The following ANKRD12 variants were observed in gnomAD, a reference collection of about 807,000 sequenced individuals.
The protein encoded by ANKRD12 is ankyrin repeat domain 12.
A neutral mutation model predicts 183.4 loss-of-function variants in ANKRD12; 85 were observed. That is an observed-to-expected ratio of 0.46 (90% CI 0.39 to 0.56). The LOEUF (loss-of-function observed/expected upper bound fraction) is 0.56. Ranked by LOEUF, ANKRD12 falls within the 20% of genes least tolerant of loss-of-function variation. The pLI is 0.00. For missense variants in ANKRD12, 2,405 were observed against 2,357.1 expected (o/e 1.02, Z -0.42); for synonymous variants, 914 against 800.2 (o/e 1.14, Z -2.40).
intron 8 of ANKRD12, among the ~76,000 whole-genome samples, chr18:9,225,476 A>C (rs1005030130): frequency 4.0e-5 from 6 of 151,578 alleles, no homozygotes; most frequent in Non-Finnish European, 7.4e-5. Context: ...TATCTTTAAA[A>C]AAAAAAAAAA....
At chr18:9,275,789 A>G in intron 11 of ANKRD12, 122 bp downstream of exon 11, 7 of 1,018,846 alleles carry the variant, frequency 6.9e-6, no homozygotes, top group Non-Finnish European at 9.5e-6. Context: ...AAAGAAGAAA[A>G]AAAACTCTTT....
chr18:9,213,602 G>A lies in ANKRD12; in HGVS notation c.652+1818G>A, dbSNP rs2035927532. Among the ~76,000 whole-genome samples the A allele has an allele frequency of 2.0e-5, 3 of 151,942 alleles. No individual in the cohort carries two copies. In the South Asian group the frequency reaches 6.2e-4, roughly 31 times the overall value. On this transcript the variant is annotated intron_variant, in intron 6 of 12. Transcript: ENST00000262126. Reference sequence around the variant, plus strand: ...AATTATTTTCACTTTAGTAAGTAGAGGAAGCAGGTTGTTATTCATCTAAGT... The same window carrying A: ...AATTATTTTCACTTTAGTAAGTAGAAGAAGCAGGTTGTTATTCATCTAAGT...
At chr18:9,175,074 C>T (rs977597094) in intron 1 of ANKRD12, among the ~76,000 whole-genome samples, 33 of 152,126 alleles carry the variant, frequency 2.2e-4, no homozygotes, top group African/African-American at 7.7e-4. Context: ...CCTGCCTAAG[C>T]CTCCAGAGTA....
intron 8 of ANKRD12, among the ~76,000 whole-genome samples, chr18:9,223,613 C>T (rs1318162380): frequency 1.3e-5 from 2 of 151,930 alleles, no homozygotes; most frequent in African/African-American, 4.8e-5. Context: ...AAGTGTATTG[C>T]CTTCTTAATT....
chr18:9,182,248 A>G, intron 1 of ANKRD12, 134 bp from the exon 2 acceptor site: 1 of 295,962 alleles, frequency 3.4e-6, no homozygotes, highest in Non-Finnish European at 6.2e-6. Context: ...GTGAAAACTT[A>G]CTTTAGCTTA....
intron 1 of ANKRD12, among the ~76,000 whole-genome samples, chr18:9,174,461 C>A: frequency 6.6e-6 from 1 of 152,210 alleles, no homozygotes; most frequent in East Asian, 1.9e-4. Flanking sequence ...CCGCACAGCT[C>A]TGTATGTTGG....
At chr18:9,208,507 C>A (rs1172191801) in intron 4 of ANKRD12, 150 bp from the exon 5 acceptor site, 4 of 480,506 alleles carry the variant, frequency 8.3e-6, no homozygotes, top group Non-Finnish European at 1.4e-5. Flanking sequence ...TAATATAAAA[C>A]CCATTGTGCT....
rs547447533 is a variant in ANKRD12, at chr18:9,160,538, A to G, written c.-51-21844A>G. Among the ~76,000 whole-genome samples, 63 of 152,384 alleles carry G rather than the reference A, an allele frequency of 4.1e-4. 1 individual carries two copies. The South Asian group carries it at 0.011, about 27-fold the overall frequency. ...AAGGAAACCCTTGTAACCATTAAGC[A>G]GTCACTCCATATTTTCCCAGTCCCC... On this transcript the variant is annotated intron_variant, in intron 1 of 12. Transcript: ENST00000262126.
At chr18:9,199,445 T>C (rs2035041465) in intron 3 of ANKRD12, among the ~76,000 whole-genome samples, 1 of 152,200 alleles carries the variant, frequency 6.6e-6, no homozygotes, top group South Asian at 2.1e-4. Flanking sequence ...AAGACTTTTT[T>C]CACTGTAGGA....
chr18:9,268,530 A>G (rs1372029562), intron 10 of ANKRD12, among the ~76,000 whole-genome samples: 16 of 152,246 alleles, frequency 1.1e-4, no homozygotes, highest in Admixed American at 5.2e-4. Context: ...CCACATGATT[A>G]TCTCAATAGA....
chr18:9,165,780 A>G (rs1158958046), intron 1 of ANKRD12, among the ~76,000 whole-genome samples: 1 of 150,956 alleles, frequency 6.6e-6, no homozygotes, highest in Non-Finnish European at 1.5e-5. Context: ...CAGGTTTTTT[A>G]CGTATGTATA....
chr18:9,254,176 T>G (rs767885425), intron 8 of ANKRD12, 35 bp from the exon 9 acceptor site: 1 of 1,457,824 alleles, frequency 6.9e-7, no homozygotes, highest in Non-Finnish European at 9.0e-7. Flanking sequence ...TGTGTTTTGT[T>G]TGACCCACAC....
At chr18:9,178,230 G>T (rs1167052882) in intron 1 of ANKRD12, among the ~76,000 whole-genome samples, 4 of 151,988 alleles carry the variant, frequency 2.6e-5, no homozygotes, top group Non-Finnish European at 4.4e-5. Flanking sequence ...CTTGTTTTCT[G>T]CTAGAAGTGG....
chr18:9,231,824 CAAAAAAA>C (rs60799678), intron 8 of ANKRD12, among the ~76,000 whole-genome samples: 2 of 102,438 alleles, frequency 2.0e-5, no homozygotes, highest in Non-Finnish European at 3.8e-5. Context: ...GACTCTGTCT[CAAAAAAA>C]AAAAAAAAAA....
At chr18:9,206,031 G>GCATTATAAAA (rs1340203566) in intron 4 of ANKRD12, among the ~76,000 whole-genome samples, 1 of 152,044 alleles carries the variant, frequency 6.6e-6, no homozygotes, top group Non-Finnish European at 1.5e-5. Flanking sequence ...TTAATTTTCA[G>GCATTATAAAA]CATTATAAAA....
chr18:9,214,180 A>G (rs758952890), intron 6 of ANKRD12, among the ~76,000 whole-genome samples: 1 of 152,136 alleles, frequency 6.6e-6, no homozygotes, highest in East Asian at 1.9e-4. Context: ...TAAATACATT[A>G]TAAGTGCATA....
chr18:9,258,442 T>A lies in ANKRD12; in HGVS notation c.5175T>A (p.Asp1725Glu). 6.2e-7 allele frequency: 1 copy of A among 1,613,702 alleles called. No individual in the cohort carries two copies. The highest frequency in any genetic ancestry group is 8.5e-7 in the Non-Finnish European group (1 of 1,179,932). Residue 1725 changes from aspartate (D) to glutamate (E), a missense_variant, in exon 9 of 13, where the codon GAT (aspartate) becomes GAA (glutamate). Transcript: ENST00000262126. ...KVELEENAED[D>E]KTENQIPQRM... ...AATTAGAAGAAAATGCCGAAGATGATAAAACTGAAAACCAAATCCCTCAAA... is the reference window on the plus strand; with the variant it reads ...AATTAGAAGAAAATGCCGAAGATGAAAAAACTGAAAACCAAATCCCTCAAA...
chr18:9,145,397 A>G (rs2078459785), intron 1 of ANKRD12, among the ~76,000 whole-genome samples: 4 of 152,236 alleles, frequency 2.6e-5, no homozygotes, highest in Admixed American at 2.6e-4. Flanking sequence ...GGGAAGATAC[A>G]AGTGAAGGCA....
chr18:9,229,275 G>C (rs558327937), intron 8 of ANKRD12, among the ~76,000 whole-genome samples: 16 of 152,144 alleles, frequency 1.1e-4, no homozygotes, highest in African/African-American at 3.9e-4. Flanking sequence ...TGGCTATTCA[G>C]GCTCTTTTTT....
Sources: allele counts gnomAD v4.1 joint callset (sites outside exome capture counted in the v4.1 genomes callset), GRCh38; gene constraint gnomAD v4.1.1; transcripts MANE v1.5; gene names NCBI Gene and HGNC (gene_info 2026-07-23, HGNC 2026-07-21).